The following MPZL3 variants were observed in gnomAD, a reference collection of about 807,000 sequenced individuals.
MPZL3 encodes the protein myelin protein zero like 3, also known as myelin protein zero-like protein 3.
Under a neutral mutation model 24.8 loss-of-function variants are expected in MPZL3, and 23 were observed. That is an observed-to-expected ratio of 0.93 (90% CI 0.67 to 1.31). The LOEUF is 1.31. MPZL3 is among the 40% of genes most tolerant of loss of function. The probability of loss-of-function intolerance (pLI) is 0.00; values close to 1 mark genes in which losing one functional copy is unlikely to be tolerated. For synonymous variants in MPZL3, 99 were observed against 106.5 expected, an observed-to-expected ratio of 0.93 and a Z score of 0.44; for missense variants, 277 against 294.9, an observed-to-expected ratio of 0.94 and a Z score of 0.44.
At chr11:118,248,128 T>A (rs569730645) in intron 1 of MPZL3, among the ~76,000 whole-genome samples, 1 of 138,688 alleles carries the variant, frequency 7.2e-6, no homozygotes, top group South Asian at 2.4e-4. Flanking sequence ...CAGGCTGCAG[T>A]GCAGTGGCGC....
intron 3 of MPZL3, 33 bp from the exon 4 acceptor site, chr11:118,235,622 G>A: frequency 1.2e-6 from 2 of 1,601,914 alleles, no homozygotes. Flanking sequence ...TAAAAGACAG[G>A]GACATGCAAA....
At chr11:118,233,348 CT>C in intron 5 of MPZL3, 111 bp downstream of exon 5, 1 of 1,200,096 alleles carries the variant, frequency 8.3e-7, no homozygotes, top group Non-Finnish European at 1.2e-6. Context: ...TCATATCTTG[CT>C]TGGACCTACC....
intron 1 of MPZL3, among the ~76,000 whole-genome samples, chr11:118,251,093 G>GTGTGTGTGTGTGTGTGTGTGTT (rs1949615180): frequency 6.7e-6 from 1 of 150,192 alleles, no homozygotes; most frequent in Middle Eastern, 3.2e-3. Context: ...GTGTGTGTGT[G>GTGTGTGTGTGTGTGTGTGTGTT]TGTGTGTGTG....
intron 3 of MPZL3, among the ~76,000 whole-genome samples, chr11:118,235,991 G>C (rs1409005282): frequency 1.3e-5 from 2 of 151,986 alleles, no homozygotes; most frequent in Non-Finnish European, 2.9e-5. Flanking sequence ...ATAATTTATA[G>C]AACTAATCCT....
intron 2 of MPZL3, 57 bp downstream of exon 2, chr11:118,240,154 G>A: frequency 6.8e-7 from 1 of 1,469,594 alleles, no homozygotes; most frequent in South Asian, 1.5e-5. Context: ...ATGATTTGCA[G>A]TAAAACAATT....
chr11:118,251,160 T>C (rs1406890953), intron 1 of MPZL3, among the ~76,000 whole-genome samples: 1 of 151,152 alleles, frequency 6.6e-6, no homozygotes, highest in Non-Finnish European at 1.5e-5. Context: ...GGAGTGACAG[T>C]AGGCCAGCCT....
intron 1 of MPZL3, among the ~76,000 whole-genome samples, chr11:118,241,541 G>A (rs1949499088): frequency 6.6e-6 from 1 of 152,150 alleles, no homozygotes; most frequent in Non-Finnish European, 1.5e-5. Context: ...ACCTCAGAAG[G>A]CCACTGTGAG....
At chr11:118,235,315 C>A in intron 4 of MPZL3, 109 bp downstream of exon 4, 1 of 1,312,838 alleles carries the variant, frequency 7.6e-7, no homozygotes, top group Non-Finnish European at 1.0e-6. Context: ...AGAAAGTTCA[C>A]CAGCAGAACT....
At chr11:118,238,750 C>G (rs966252814) in intron 2 of MPZL3, among the ~76,000 whole-genome samples, 2 of 152,128 alleles carry the variant, frequency 1.3e-5, no homozygotes, top group East Asian at 3.9e-4. Flanking sequence ...ATGGTGGGAG[C>G]CACGCAGGCA....
intron 1 of MPZL3, 135 bp from the exon 2 acceptor site, chr11:118,240,512 C>T (rs1949481001): frequency 3.7e-6 from 3 of 805,740 alleles, no homozygotes; most frequent in Admixed American, 3.8e-5. Flanking sequence ...CTCAGGCAAG[C>T]CCACAAGGGA....
Position 118,227,985 on chromosome 11 carries a change from C to T in MPZL3, c.*1909G>A, listed in dbSNP as rs1055929715. On this transcript the variant is annotated 3_prime_UTR_variant, in exon 6 of 6. Transcript: ENST00000278949. The stretch of plus-strand genomic sequence containing the variant: ...TCTGTTGAGGTGTCAGAAATGGTCA[C>T]GTTAGATTGGCCTCAGACAACCACA... 2.5e-4 allele frequency: 38 copies of T among 152,156 alleles called. No homozygotes were observed. Among genetic ancestry groups the T allele is most frequent in the African/African-American group, 8.9e-4 (37 of 41,414 alleles). 9.4% of individuals were successfully genotyped at this position (152,156 alleles called of 1,614,324 possible). A position where few individuals can be genotyped will look rare whatever the true frequency, so the allele number is the denominator to read the frequency against.
chr11:118,231,199 C>A (rs1412561920), intron 5 of MPZL3, among the ~76,000 whole-genome samples: 1 of 152,196 alleles, frequency 6.6e-6, no homozygotes, highest in African/African-American at 2.4e-5. Flanking sequence ...CCCAAATCAT[C>A]CAATAATCAA....
chr11:118,251,121 A>AAG (rs141456931), intron 1 of MPZL3, among the ~76,000 whole-genome samples: 8 of 123,360 alleles, frequency 6.5e-5, no homozygotes, highest in Admixed American at 1.7e-4. Context: ...GTGTGTGTGA[A>AAG]AGAGAGAGAG....
At chr11:118,247,311 A>G (rs1447196924) in intron 1 of MPZL3, among the ~76,000 whole-genome samples, 1 of 152,190 alleles carries the variant, frequency 6.6e-6, no homozygotes, top group African/African-American at 2.4e-5. Context: ...GCTGACTCAG[A>G]TTTACCTAAA....
intron 2 of MPZL3, among the ~76,000 whole-genome samples, chr11:118,239,500 G>A (rs1234970214): frequency 6.6e-6 from 1 of 152,128 alleles, no homozygotes; most frequent in Non-Finnish European, 1.5e-5. Context: ...TCTATCCTGA[G>A]CTAAGGATAC....
At chr11:118,245,767 A>G (rs1013690285) in intron 1 of MPZL3, among the ~76,000 whole-genome samples, 1 of 152,236 alleles carries the variant, frequency 6.6e-6, no homozygotes, top group Admixed American at 6.5e-5. Context: ...GCCTAAATCA[A>G]TTATGACATC....
intron 1 of MPZL3, among the ~76,000 whole-genome samples, chr11:118,243,540 A>C (rs2134711446): frequency 6.6e-6 from 1 of 152,286 alleles, no homozygotes; most frequent in Non-Finnish European, 1.5e-5. Flanking sequence ...AGGCCGAGGC[A>C]GGGGGATCAC....
chr11:118,235,376 C>T (rs761723796), intron 4 of MPZL3, 48 bp downstream of exon 4: 33 of 1,600,376 alleles, frequency 2.1e-5, no homozygotes, highest in Admixed American at 1.3e-4. Context: ...CTGGGTAGAG[C>T]GCTAAGGAGG....
chr11:118,247,614 GCCCCCCA>G (rs1007713644), intron 1 of MPZL3, among the ~76,000 whole-genome samples: 5 of 151,874 alleles, frequency 3.3e-5, no homozygotes, highest in Admixed American at 3.3e-4. Context: ...GTTATTTAAT[GCCCCCCA>G]CCCCACACCC....
Sources: gnomAD v4.1 joint callset for allele counts (sites outside exome capture counted in the v4.1 genomes callset) on GRCh38, gnomAD v4.1.1 for gene constraint, MANE v1.5 for transcripts, NCBI Gene and HGNC (gene_info 2026-07-23, HGNC 2026-07-21) for gene names.